POPDC3: variants seen among roughly 807,000 people sequenced by gnomAD.
The protein encoded by POPDC3 is popeye domain cAMP effector 3, also known as popeye domain-containing protein 3.
Under a neutral mutation model 28.2 loss-of-function variants are expected in POPDC3, and 20 were observed. The observed-to-expected ratio is 0.71, with a 90% CI of 0.50 to 1.03. The LOEUF is 1.03. POPDC3 is among the 50% of genes least tolerant of loss of function. The probability of loss-of-function intolerance (pLI) is 0.00; values close to 1 mark genes in which losing one functional copy is unlikely to be tolerated. For missense variants in POPDC3, 316 were observed against 345.9 expected (o/e 0.91, Z 0.69); for synonymous variants, 118 against 124.1 (o/e 0.95, Z 0.33).
At chr6:105,172,744 G>A (rs1774604751) in intron 1 of POPDC3, among the ~76,000 whole-genome samples, 1 of 150,184 alleles carries the variant, frequency 6.7e-6, no homozygotes, top group South Asian at 2.1e-4. Context: ...TAGGGACATG[G>A]ATGAAGCTGG....
intron 1 of POPDC3, chr6:105,169,363 C>T (rs1774527768): frequency 2.0e-5 from 3 of 152,146 alleles, no homozygotes. Context: ...TTCCCAGTGT[C>T]ACTGAAGAGG....
intron 1 of POPDC3, among the ~76,000 whole-genome samples, chr6:105,174,176 G>C (rs980241175): frequency 2.0e-5 from 3 of 152,128 alleles, no homozygotes; most frequent in African/African-American, 7.2e-5. Flanking sequence ...AAAGTAACTG[G>C]GATTAAAGGC....
intron 1 of POPDC3, among the ~76,000 whole-genome samples, chr6:105,170,638 G>A (rs1236200260): frequency 2.0e-5 from 3 of 152,058 alleles, no homozygotes; most frequent in Non-Finnish European, 2.9e-5. Flanking sequence ...GCACTTCTAC[G>A]CCACTTTAAT....
chr6:105,168,291 T>A (rs1210838996), intron 1 of POPDC3, among the ~76,000 whole-genome samples: 71 of 152,352 alleles, frequency 4.7e-4, no homozygotes, highest in Middle Eastern at 6.8e-3. Context: ...CATTTCATCT[T>A]CTGATATGGA....
intron 3 of POPDC3, 24 bp from the exon 4 acceptor site, chr6:105,158,775 A>G: frequency 6.5e-7 from 1 of 1,541,594 alleles, no homozygotes; most frequent in East Asian, 2.3e-5. Flanking sequence ...GACCACACAT[A>G]AACAGATGTG....
At chr6:105,158,915 G>A (rs1426011762) in intron 3 of POPDC3, 164 bp from the exon 4 acceptor site, 22 of 538,362 alleles carry the variant, frequency 4.1e-5, no homozygotes, top group East Asian at 1.1e-4. Flanking sequence ...TACAAAATTC[G>A]TTACTACATA....
intron 1 of POPDC3, among the ~76,000 whole-genome samples, chr6:105,175,504 G>A: frequency 6.7e-6 from 1 of 149,460 alleles, no homozygotes; most frequent in Non-Finnish European, 1.5e-5. Context: ...TGCCACTACA[G>A]TCCAGCCTGG....
rs748578797 is a variant in POPDC3 at position 105,161,559 on chromosome 6, C to T, written c.351G>A (p.Gln117=). 13 of 1,614,080 alleles carry T rather than the reference C, an allele frequency of 8.1e-6. No homozygotes were observed. The Admixed American group carries it at 2.2e-4, about 27-fold the overall frequency. The change falls in exon 2 of 4, where the codon CAG becomes CAA. Residue 117 remains glutamine, a synonymous_variant. Transcript: ENST00000254765. ...AGACAGGCAAAGAGATCCCCAGGGG[C>T]TGGAAAAGGGAGCTGTACAACACTT... The part of the protein sequence containing the change: ...EFQVLYSSLF[Q]PLGISLPVFR...
rs1017481250 is a variant in POPDC3 at position 105,162,100 on chromosome 6, G to A, written c.-191C>T. On this transcript the variant is annotated 5_prime_UTR_variant, in exon 2 of 4. It introduces an in-frame stop codon into an upstream open reading frame of the 5' UTR. Coordinates refer to ENST00000254765, the MANE Select transcript of POPDC3 (RefSeq NM_022361.5). ...TTGAAAAACTAAGAATCCCATGCTC[G>A]CTTCTTTAAGTTCATCTGGGCTCCT... The A allele has an allele frequency of 3.0e-5, 39 of 1,317,276 alleles. No homozygotes were observed. The highest frequency in any genetic ancestry group is 1.7e-4 in the African/African-American group (11 of 66,266). The allele number at this position is 1,317,276 out of a possible 1,614,324, so 81.6% of individuals were successfully genotyped here. A position where few individuals can be genotyped will look rare whatever the true frequency, so the allele number is the denominator to read the frequency against.
chr6:105,161,289 T>C (rs904176610), intron 2 of POPDC3, 136 bp downstream of exon 2: 5 of 858,884 alleles, frequency 5.8e-6, no homozygotes, highest in Non-Finnish European at 9.1e-6. Context: ...GTGACTCAAG[T>C]ATCAAAGACT....
At chr6:105,174,935 G>A (rs1354224309) in intron 1 of POPDC3, among the ~76,000 whole-genome samples, 2 of 152,064 alleles carry the variant, frequency 1.3e-5, no homozygotes, top group Non-Finnish European at 2.9e-5. Context: ...TTGGGAGGCT[G>A]AGGCTGGTGG....
chr6:105,172,852 C>T (rs941401892), intron 1 of POPDC3, among the ~76,000 whole-genome samples: 8 of 125,344 alleles, frequency 6.4e-5, no homozygotes, highest in Admixed American at 4.4e-4. Flanking sequence ...CACGTGGACA[C>T]GGGAAGGGGA....
In POPDC3 at chr6:105,159,775, G is replaced by A; in HGVS notation, c.530C>T (p.Pro177Leu). 2 of 1,613,436 alleles carry A rather than the reference G, an allele frequency of 1.2e-6. No homozygotes were observed. The highest frequency in any genetic ancestry group is 1.7e-6 in the Non-Finnish European group (2 of 1,179,648). The change falls in exon 3 of 4, where the codon CCC becomes CTC. Residue 177 changes from proline to leucine, a missense_variant. By Grantham distance (98) the Pro-to-Leu change is moderately conservative. Coordinates refer to ENST00000254765, the MANE Select transcript of POPDC3 (RefSeq NM_022361.5). ...VDGEFLHYIFPLQFLDSPEWD... is the reference protein window; with the variant it reads ...VDGEFLHYIFLLQFLDSPEWD... The stretch of plus-strand genomic sequence containing the variant: ...CTCAGGAGAATCCAGGAACTGAAGG[G>A]GGAAAATGTAATGCAGAAATTCGCC...
At chr6:105,171,685 ATAAT>A (rs1172686913) in intron 1 of POPDC3, among the ~76,000 whole-genome samples, 1 of 151,078 alleles carries the variant, frequency 6.6e-6, no homozygotes, top group Non-Finnish European at 1.5e-5. Context: ...AATAATAATA[ATAAT>A]TATTATTATT....
intron 1 of POPDC3, chr6:105,177,132 T>C (rs1774695989): frequency 4.4e-6 from 1 of 227,658 alleles, no homozygotes; most frequent in Non-Finnish European, 7.3e-6. Flanking sequence ...GATTGTTTCA[T>C]AATAAAAAAT....
At position 105,161,941 on chromosome 6, in the gene POPDC3, T is replaced by A; in HGVS notation, c.-32A>T. The A allele has an allele frequency of 6.5e-7, 1 of 1,548,668 alleles. No individual in the cohort carries two copies. Among genetic ancestry groups the A allele is most frequent in the South Asian group, 1.3e-5 (1 of 77,884 alleles). The stretch of plus-strand genomic sequence containing the variant: ...ATTACTGCCTGCTTCACTTTTCAGT[T>A]GACTTTAGATGACACTGAAACAGGT... On this transcript the variant is annotated 5_prime_UTR_variant, in exon 2 of 4. Transcript: ENST00000254765.
Position 105,161,696 on chromosome 6 carries a change from C to A in POPDC3, c.214G>T (p.Val72Phe). ...LCSAVWAWVD[V>F]CAADIFSWNF... Reference sequence around the variant, plus strand: ...CAGGAAAATATGTCAGCTGCACAGACATCTACCCAAGCCCAGACAGCAGAA... The same window carrying A: ...CAGGAAAATATGTCAGCTGCACAGAAATCTACCCAAGCCCAGACAGCAGAA... Residue 72 changes from valine (V) to phenylalanine (F), a missense_variant, in exon 2 of 4, where the codon GTC becomes TTC. Physicochemically the swap from Val to Phe is conservative, Grantham distance 50. Transcript: ENST00000254765. 6.2e-7 allele frequency: 1 copy of A among 1,614,196 alleles called. No individual in the cohort carries two copies. Among genetic ancestry groups the A allele is most frequent in the Non-Finnish European group, 8.5e-7 (1 of 1,180,046 alleles).
At chr6:105,158,782 T>C in intron 3 of POPDC3, 31 bp from the exon 4 acceptor site, 1 of 1,516,124 alleles carries the variant, frequency 6.6e-7, no homozygotes, top group Non-Finnish European at 8.9e-7. Context: ...CATAAACAGA[T>C]GTGGAAGCAA....
intron 2 of POPDC3, among the ~76,000 whole-genome samples, chr6:105,160,653 C>T (rs1370370041): frequency 1.3e-5 from 2 of 152,188 alleles, no homozygotes; most frequent in East Asian, 3.9e-4. Flanking sequence ...AGTGTAGTGG[C>T]GCGATCTCAG....
Sources: allele counts gnomAD v4.1 joint callset (sites outside exome capture counted in the v4.1 genomes callset), GRCh38; gene constraint gnomAD v4.1.1; transcripts MANE v1.5; gene names NCBI Gene and HGNC (gene_info 2026-07-23, HGNC 2026-07-21).